Variants in KDM3B observed in about 807,000 individuals in gnomAD.
KDM3B encodes the protein lysine demethylase 3B.
In KDM3B, 10 loss-of-function variants were observed where a neutral mutation model predicts 170.0. That is an observed-to-expected ratio of 0.06 (90% CI 0.04 to 0.10). The LOEUF is 0.10. Among genes scored for constraint, KDM3B ranks in the 10% least tolerant of loss-of-function variants. The probability of loss-of-function intolerance (pLI) is 1.00; values close to 1 mark genes in which losing one functional copy is unlikely to be tolerated. For synonymous variants in KDM3B, 831 were observed against 834.8 expected (o/e 1.00, Z 0.08); for missense variants, 1,394 against 2,195.2 (o/e 0.64, Z 7.29).
At chr5:138,379,489 A>G in intron 4 of KDM3B, 95 bp from the exon 5 acceptor site, 1 of 1,283,532 alleles carries the variant, frequency 7.8e-7, no homozygotes, top group Non-Finnish European at 1.1e-6. Context: ...AAAGTGCCAA[A>G]TATTTACATT....
intron 11 of KDM3B, among the ~76,000 whole-genome samples, chr5:138,410,880 A>G (rs62380958): frequency 0.019 from 2,856 of 152,302 alleles, 37 homozygotes; most frequent in Non-Finnish European, 0.029. Flanking sequence ...TACTTTCACT[A>G]ATTTTCTACT....
chr5:138,373,476 T>C (rs1761923656), intron 2 of KDM3B, among the ~76,000 whole-genome samples: 1 of 152,158 alleles, frequency 6.6e-6, no homozygotes, highest in African/African-American at 2.4e-5. Flanking sequence ...AAAATTTATT[T>C]TATTTTTTGA....
At chr5:138,434,678 A>C (rs972653512) in intron 23 of KDM3B, among the ~76,000 whole-genome samples, 7 of 152,042 alleles carry the variant, frequency 4.6e-5, no homozygotes, top group African/African-American at 1.7e-4. Flanking sequence ...ATAGCTATAG[A>C]TACAGATATA....
intron 7 of KDM3B, among the ~76,000 whole-genome samples, chr5:138,389,300 C>G (rs1042046288): frequency 5.3e-5 from 8 of 152,316 alleles, no homozygotes; most frequent in Middle Eastern, 3.4e-3. Context: ...CCTAGGTGGC[C>G]TGCTTGATTC....
chr5:138,352,947 C>T lies in KDM3B; in HGVS notation c.152C>T (p.Thr51Met), dbSNP rs1314307713. Residue 51 changes from threonine (T) to methionine (M), a missense_variant, in exon 1 of 24, where the codon ACG (threonine) becomes ATG (methionine). Coordinates refer to ENST00000314358, the MANE Select transcript of KDM3B (RefSeq NM_016604.4). ...CGCACTCGAGCCTGGCGGGCCGGCA[C>T]GGTGCGGGCCATGAGCGGGGCGGTG... ...ALRTRAWRAGTVRAMSGAVPQ... is the reference protein window; with the variant it reads ...ALRTRAWRAGMVRAMSGAVPQ... The T allele has an allele frequency of 1.6e-6, 2 of 1,280,422 alleles. No individual in the cohort carries two copies. The highest frequency in any genetic ancestry group is 2.0e-6 in the Non-Finnish European group (2 of 1,017,506). The allele number at this position is 1,280,422 out of a possible 1,614,324, so 79.3% of individuals were successfully genotyped here.
intron 1 of KDM3B, among the ~76,000 whole-genome samples, chr5:138,353,242 C>T (rs1250241009): frequency 6.6e-6 from 1 of 152,200 alleles, no homozygotes; most frequent in Non-Finnish European, 1.5e-5. Flanking sequence ...CAGCAGGCCC[C>T]GCCTCCTGGG....
chr5:138,379,541 A>T, intron 4 of KDM3B, 43 bp from the exon 5 acceptor site: 1 of 1,561,098 alleles, frequency 6.4e-7, no homozygotes. Context: ...TATGAAATAT[A>T]GCTTAGCCAA....
chr5:138,404,516 A>G (rs1209282993), intron 11 of KDM3B, among the ~76,000 whole-genome samples: 1 of 151,694 alleles, frequency 6.6e-6, no homozygotes, highest in Non-Finnish European at 1.5e-5. Flanking sequence ...GGTCCCAGCT[A>G]CTTGGGAGGC....
At chr5:138,367,761 T>C (rs1249169356) in intron 1 of KDM3B, among the ~76,000 whole-genome samples, 1 of 152,142 alleles carries the variant, frequency 6.6e-6, no homozygotes, top group Non-Finnish European at 1.5e-5. Flanking sequence ...ACCCCTGTAA[T>C]CCCAGCGCTT....
chr5:138,392,635 A>G (rs1762463311), intron 8 of KDM3B, among the ~76,000 whole-genome samples: 2 of 152,344 alleles, frequency 1.3e-5, no homozygotes, highest in East Asian at 3.9e-4. Context: ...CCATTCCCAC[A>G]TAGCAGACAT....
chr5:138,393,280 G>A lies in KDM3B; in HGVS notation c.2739G>A (p.Lys913=), dbSNP rs780970036. Residue 913 remains lysine (K), a synonymous_variant, in exon 9 of 24, where the codon AAG becomes AAA. Coordinates refer to ENST00000314358, the MANE Select transcript of KDM3B (RefSeq NM_016604.4). ...TCAATGTGGCACCTCATCTGCACAA[G>A]TGTCGTGAATGCCGCCTGGAGCGGT... The part of the protein sequence containing the change: ...SCINVAPHLH[K]CRECRLERYR... The A allele has an allele frequency of 2.0e-5, 33 of 1,614,222 alleles. No individual in the cohort carries two copies. Among genetic ancestry groups the A allele is most frequent in the Non-Finnish European group, 2.8e-5 (33 of 1,180,044 alleles).
rs758224512 is a variant in KDM3B at position 138,372,729 on chromosome 5, A to G, written c.248A>G (p.His83Arg). Residue 83 changes from histidine (H) to arginine (R), a missense_variant, in exon 2 of 24, where the codon CAT becomes CGT. Physicochemically the swap from His to Arg is conservative, Grantham distance 29. Coordinates refer to ENST00000314358, the MANE Select transcript of KDM3B (RefSeq NM_016604.4). Reference protein sequence around the residue: ...NWKQHSWVKVHAEEVIVLLLE... With the variant: ...NWKQHSWVKVRAEEVIVLLLE... Reference sequence around the variant, plus strand: ...AAGCAACACTCCTGGGTAAAAGTTCATGCTGAGGAAGTTATCGTGCTTCTG... The same window carrying G: ...AAGCAACACTCCTGGGTAAAAGTTCGTGCTGAGGAAGTTATCGTGCTTCTG... The G allele has an allele frequency of 5.6e-6, 9 of 1,613,992 alleles. No homozygotes were observed. The African/African-American group carries it at 1.2e-4, about 22-fold the overall frequency.
rs1286264411 is a variant in KDM3B, at chr5:138,386,630, C to T, written c.1380+9C>T. ...CGCAGGCCTCGGGAGAGGTGAGTTA[C>T]TTCAGGGGCAGATTTGCAAGATTTG... On this transcript the variant is annotated intron_variant, in intron 7 of 23. Transcript: ENST00000314358. The T allele has an allele frequency of 6.2e-7, 1 of 1,601,224 alleles. No individual in the cohort carries two copies. Among genetic ancestry groups the T allele is most frequent in the East Asian group, 2.2e-5 (1 of 44,584 alleles).
chr5:138,372,788 G>T lies in KDM3B; in HGVS notation c.307G>T (p.Asp103Tyr). 6.2e-7 allele frequency: 1 copy of T among 1,614,114 alleles called. No homozygotes were observed. The highest frequency in any genetic ancestry group is 1.1e-5 in the South Asian group (1 of 91,070). The change falls in exon 2 of 24, where the codon GAC (aspartate) becomes TAC (tyrosine). Residue 103 changes from aspartate to tyrosine, a missense_variant. Asp to Tyr is a radical substitution (Grantham distance 160). Transcript: ENST00000314358. ...GTCTCTTGTATGGGCGCCCCGTGAG[G>T]ACCCAGTCCTTCTCCAGGGCATTCG... ...EGSLVWAPREDPVLLQGIRVS... is the reference protein window; with the variant it reads ...EGSLVWAPREYPVLLQGIRVS...
At chr5:138,432,880 G>A (rs1763571357) in intron 23 of KDM3B, among the ~76,000 whole-genome samples, 1 of 151,338 alleles carries the variant, frequency 6.6e-6, no homozygotes, top group Admixed American at 6.6e-5. Flanking sequence ...GAGTAGCTGG[G>A]ACTACAGATG....
rs749178895 is a variant in KDM3B at position 138,393,328 on chromosome 5, G to A, written c.2787G>A (p.Glu929=). The change falls in exon 9 of 24, where the codon GAG becomes GAA. Residue 929 remains glutamate (E), a synonymous_variant. Transcript: ENST00000314358. The part of the protein sequence containing the change: ...LERYRKFKEQ[E]QDDSTVACRF... ...GGTACCGGAAGTTTAAGGAACAGGA[G>A]CAAGATGATTCTACTGTAGCCTGCC... The A allele has an allele frequency of 6.2e-7, 1 of 1,614,192 alleles. No individual in the cohort carries two copies. The highest frequency in any genetic ancestry group is 1.1e-5 in the South Asian group (1 of 91,078).
In KDM3B at chr5:138,424,290, C is replaced by G; in HGVS notation, c.4188C>G (p.Pro1396=). 1 of 1,614,074 alleles carries G rather than the reference C, an allele frequency of 6.2e-7. No individual in the cohort carries two copies. The change falls in exon 16 of 24, where the codon CCC becomes CCG. Residue 1396 remains proline (P), a synonymous_variant. Transcript: ENST00000314358. ...CDGRLLCLHD[P]SNKNNWKIFR... is the part of the protein sequence containing the mutation. ...GGAGGCTTCTGTGTCTCCATGACCC[C>G]AGCAACAAAAACAATTGGAAGATCT... is the stretch of plus-strand genomic sequence containing the variant.
chr5:138,403,397 C>T (rs1762737044), intron 11 of KDM3B, among the ~76,000 whole-genome samples: 1 of 152,122 alleles, frequency 6.6e-6, no homozygotes, highest in Non-Finnish European at 1.5e-5. Context: ...AAGAACCAGC[C>T]TGGCACAGTG....
At chr5:138,396,431 C>T (rs1762549252) in intron 9 of KDM3B, among the ~76,000 whole-genome samples, 2 of 152,052 alleles carry the variant, frequency 1.3e-5, no homozygotes, top group South Asian at 4.1e-4. Context: ...TTTGCTCAAG[C>T]AGATAAATGG....
Sources: gnomAD v4.1 joint callset for allele counts (sites outside exome capture counted in the v4.1 genomes callset) on GRCh38, gnomAD v4.1.1 for gene constraint, MANE v1.5 for transcripts, NCBI Gene and HGNC (gene_info 2026-07-23, HGNC 2026-07-21) for gene names.